Variants in KIAA0586 observed in about 807,000 individuals in gnomAD.
KIAA0586 encodes KIAA0586.
A neutral mutation model predicts 169.8 loss-of-function variants in KIAA0586; 144 were observed. That is an observed-to-expected ratio of 0.85 (90% CI 0.74 to 0.97). KIAA0586 has a LOEUF of 0.97. Among genes scored for constraint, KIAA0586 ranks in the 50% least tolerant of loss-of-function variants. The pLI, the probability that KIAA0586 is intolerant of heterozygous loss-of-function variation, is 0.00. For missense variants in KIAA0586, 1,854 were observed against 1,823.0 expected, an observed-to-expected ratio of 1.02 and a Z score of -0.31; for synonymous variants, 625 against 612.4, an observed-to-expected ratio of 1.02 and a Z score of -0.30.
chr14:58,460,906 AG>A, intron 13 of KIAA0586, 79 bp from the exon 14 acceptor site: 1 of 1,011,972 alleles, frequency 9.9e-7, no homozygotes, highest in East Asian at 2.9e-5. Flanking sequence ...TACTTAAGCT[AG>A]CAAAAGGAGG....
Position 58,487,833 on chromosome 14 carries a change from G to C in KIAA0586, c.3305-54G>C, listed in dbSNP as rs559436168. ...GAAGCAATGTATCATGCCATCCTAT[G>C]GAGTTCTTTACTGACTACTATCTTT... On this transcript the variant is annotated intron_variant, in intron 22 of 30. Transcript: ENST00000652326. 3.0e-4 allele frequency: 347 copies of C among 1,161,176 alleles called. 1 individual carries two copies. The African/African-American group carries it at 3.8e-3, about 13-fold the overall frequency. 71.9% of individuals were successfully genotyped at this position (1,161,176 alleles called of 1,614,324 possible).
intron 27 of KIAA0586, 130 bp from the exon 28 acceptor site, chr14:58,508,425 T>A: frequency 1.5e-6 from 1 of 686,370 alleles, no homozygotes; most frequent in Non-Finnish European, 2.4e-6. Context: ...CAGGTGTTTT[T>A]GTTTGAAGTA....
At chr14:58,544,522 C>G (rs2046862840) in intron 30 of KIAA0586, among the ~76,000 whole-genome samples, 1 of 152,176 alleles carries the variant, frequency 6.6e-6, no homozygotes. Context: ...GCAACCTCAC[C>G]AGCATCTGTT....
rs200105736 is a variant in KIAA0586 at position 58,470,606 on chromosome 14, G to A, written c.2443-7G>A. 8 of 1,509,130 alleles carry A rather than the reference G, an allele frequency of 5.3e-6. No homozygotes were observed. The East Asian group carries it at 1.6e-4, about 30-fold the overall frequency. The allele number at this position is 1,509,130 out of a possible 1,614,324, so 93.5% of individuals were successfully genotyped here. On this transcript the variant is annotated splice_region_variant and splice_polypyrimidine_tract_variant and intron_variant, in intron 16 of 30. Coordinates refer to ENST00000652326, the MANE Select transcript of KIAA0586 (RefSeq NM_001329943.3). ...AACAGAAAGCTGAATGTTGTATTCT[G>A]TTTTAGGTATTACCCAGTGTAGATA...
At chr14:58,515,888 A>G (rs1293698939) in intron 29 of KIAA0586, among the ~76,000 whole-genome samples, 1 of 150,994 alleles carries the variant, frequency 6.6e-6, no homozygotes, top group Non-Finnish European at 1.5e-5. Flanking sequence ...CCCTAACTAT[A>G]ATAAAATGTC....
intron 29 of KIAA0586, chr14:58,521,092 T>C (rs1170995645): frequency 1.6e-5 from 7 of 437,278 alleles, no homozygotes; most frequent in African/African-American, 1.2e-4. Flanking sequence ...TGAGCAGCAG[T>C]TGGCTTCTCC....
At chr14:58,478,919 G>A (rs1463563084) in intron 20 of KIAA0586, among the ~76,000 whole-genome samples, 1 of 152,166 alleles carries the variant, frequency 6.6e-6, no homozygotes, top group Non-Finnish European at 1.5e-5. Context: ...ATAGTATAAT[G>A]TATAGATATA....
intron 12 of KIAA0586, 119 bp from the exon 13 acceptor site, chr14:58,459,724 C>A: frequency 2.0e-6 from 1 of 496,840 alleles, no homozygotes; most frequent in East Asian, 3.3e-5. Flanking sequence ...ATTTTTAATG[C>A]ATTTAAAACT....
At chr14:58,475,480 A>G (rs2041546744) in intron 19 of KIAA0586, among the ~76,000 whole-genome samples, 1 of 152,026 alleles carries the variant, frequency 6.6e-6, no homozygotes, top group Admixed American at 6.6e-5. Flanking sequence ...ACTAGGCCAT[A>G]TAATACCTAG....
Position 58,472,216 on chromosome 14 carries a change from G to A in KIAA0586, c.2571G>A (p.Lys857=), listed in dbSNP as rs267604011. The change falls in exon 18 of 31, where the codon AAG becomes AAA. Residue 857 remains lysine (K), a synonymous_variant. Coordinates refer to ENST00000652326, the MANE Select transcript of KIAA0586 (RefSeq NM_001329943.3). ...TTTCTTAGACTCCAGAAATTATGAA[G>A]GTAGATGAAGAAGAGGTGAAGTTTC... ...QTWIKTPEIM[K]VDEEEVKFPG... 1 of 1,579,470 alleles carries A rather than the reference G, an allele frequency of 6.3e-7. No individual in the cohort carries two copies. Among genetic ancestry groups the A allele is most frequent in the South Asian group, 1.2e-5 (1 of 85,100 alleles).
intron 14 of KIAA0586, 31 bp from the exon 15 acceptor site, chr14:58,465,804 T>C (rs2040713729): frequency 1.5e-6 from 2 of 1,358,036 alleles, no homozygotes; most frequent in Non-Finnish European, 2.0e-6. Flanking sequence ...TAACAATATT[T>C]TAAAATATCT....
At chr14:58,477,823 A>C (rs2041761578) in intron 20 of KIAA0586, among the ~76,000 whole-genome samples, 3 of 124,918 alleles carry the variant, frequency 2.4e-5, no homozygotes, top group South Asian at 2.5e-4. Context: ...TCTCTTCCCG[A>C]TTTTTTCTTT....
At chr14:58,497,036 G>A (rs1402080695) in intron 26 of KIAA0586, among the ~76,000 whole-genome samples, 1 of 151,288 alleles carries the variant, frequency 6.6e-6, no homozygotes, top group Non-Finnish European at 1.5e-5. Flanking sequence ...ATGCAGTGGC[G>A]GGATCTCGGC....
At chr14:58,543,945 A>T (rs1442396720) in intron 30 of KIAA0586, 1 of 455,932 alleles carries the variant, frequency 2.2e-6, no homozygotes, top group African/African-American at 2.0e-5. Context: ...GAGGTTTGTC[A>T]TACAGATTAT....
At chr14:58,559,773 G>A in the KIAA0586 span, among the ~76,000 whole-genome samples, 2 of 152,136 alleles carry the variant, frequency 1.3e-5, no homozygotes, top group Non-Finnish European at 2.9e-5. Flanking sequence ...ATGGTTTCCC[G>A]CTGCCTGTAA....
intron 29 of KIAA0586, among the ~76,000 whole-genome samples, chr14:58,535,452 T>A (rs1229589491): frequency 6.6e-6 from 1 of 152,244 alleles, no homozygotes; most frequent in Non-Finnish European, 1.5e-5. Flanking sequence ...TGTACATTAC[T>A]CAAGTTAATT....
chr14:58,451,877 G>A (rs1464134015), intron 8 of KIAA0586, among the ~76,000 whole-genome samples: 1 of 152,058 alleles, frequency 6.6e-6, no homozygotes, highest in Non-Finnish European at 1.5e-5. Context: ...TAGAGACGGG[G>A]TTTCACCATG....
At position 58,456,768 on chromosome 14, in the gene KIAA0586, T is replaced by A. The variant is rs1322569071; in HGVS notation, c.1320T>A (p.His440Gln). ...TGCAGAAGTCTGATGATGTTCTTCA[T>A]GACCTTGGCCAAAAAGAGAAAGAAA... is the stretch of plus-strand genomic sequence containing the variant. ...VTMQKSDDVL[H>Q]DLGQKEKETN... The change falls in exon 10 of 31, where the codon CAT (histidine) becomes CAA (glutamine). Residue 440 changes from histidine (H) to glutamine (Q), a missense_variant. His to Gln is a conservative substitution (Grantham distance 24). Transcript: ENST00000652326. 1.2e-6 allele frequency: 2 copies of A among 1,604,784 alleles called. No individual in the cohort carries two copies. Among genetic ancestry groups the A allele is most frequent in the African/African-American group, 1.3e-5 (1 of 74,926 alleles).
chr14:58,495,273 T>G (rs1305630732), intron 26 of KIAA0586, among the ~76,000 whole-genome samples: 1 of 152,064 alleles, frequency 6.6e-6, no homozygotes, highest in Non-Finnish European at 1.5e-5. Flanking sequence ...TGTATATGTG[T>G]GTATGTGTGT....
Sources: allele counts gnomAD v4.1 joint callset (sites outside exome capture counted in the v4.1 genomes callset), GRCh38; gene constraint gnomAD v4.1.1; transcripts MANE v1.5; gene names NCBI Gene and HGNC (gene_info 2026-07-23, HGNC 2026-07-21).